The following BOK variants were observed in gnomAD, a reference collection of about 807,000 sequenced individuals.
BOK encodes the protein bcl-2-related ovarian killer protein.
In BOK, 20 loss-of-function variants were observed where a neutral mutation model predicts 18.3. The ratio of observed to expected loss-of-function variants is 1.09; its 90% CI spans 0.77 to 1.59. The LOEUF is 1.59. Among genes scored for constraint, BOK ranks in the 40% most tolerant of loss-of-function variants. The pLI is 0.00. For missense variants in BOK, 348 were observed against 307.9 expected, an observed-to-expected ratio of 1.13 and a Z score of -0.97; for synonymous variants, 173 against 142.4, an observed-to-expected ratio of 1.21 and a Z score of -1.53.
chr2:241,554,870 C>G (rs909888513), upstream of BOK, among the ~76,000 whole-genome samples: 1 of 152,216 alleles, frequency 6.6e-6, no homozygotes, highest in Non-Finnish European at 1.5e-5. Flanking sequence ...GGTATCAGCG[C>G]TCAGAAGCCC....
chr2:241,558,457 G>A (rs1464053177), upstream of BOK, among the ~76,000 whole-genome samples: 6 of 152,196 alleles, frequency 3.9e-5, no homozygotes, highest in African/African-American at 1.4e-4. Context: ...ACAATACAAA[G>A]GGCATGCGTC....
intron 3 of BOK, among the ~76,000 whole-genome samples, chr2:241,569,069 C>G (rs1204451885): frequency 6.6e-6 from 1 of 152,204 alleles, no homozygotes; most frequent in African/African-American, 2.4e-5. Flanking sequence ...AGCTGGGCTT[C>G]CCACCAAGGT....
At chr2:241,553,580 T>C (rs982102935) in intron 1 of BOK, among the ~76,000 whole-genome samples, 12 of 152,154 alleles carry the variant, frequency 7.9e-5, no homozygotes, top group Admixed American at 2.0e-4. Flanking sequence ...AAGAGACGTG[T>C]CTTACGAGGC....
intron 3 of BOK, among the ~76,000 whole-genome samples, chr2:241,564,190 C>T (rs928300923): frequency 6.6e-6 from 1 of 152,208 alleles, no homozygotes; most frequent in African/African-American, 2.4e-5. Flanking sequence ...GGAGTCCAGG[C>T]GGGGTCTGGT....
intron 1 of BOK, among the ~76,000 whole-genome samples, chr2:241,552,537 T>C (rs1451274736): frequency 1.3e-5 from 2 of 152,140 alleles, no homozygotes. Flanking sequence ...GCCGGAGTGG[T>C]AGGGCCAGGC....
At chr2:241,559,864 T>C (rs1341796037) in intron 2 of BOK, among the ~76,000 whole-genome samples, 161 bp downstream of exon 2, 1 of 152,174 alleles carries the variant, frequency 6.6e-6, no homozygotes, top group Non-Finnish European at 1.5e-5. Context: ...CTCCCGGATC[T>C]GCCCTCTCAG....
upstream of BOK, among the ~76,000 whole-genome samples, chr2:241,554,333 G>C (rs1385498680): frequency 2.6e-5 from 1 of 37,876 alleles, no homozygotes; most frequent in Admixed American, 4.0e-4. Context: ...CCAAGCCTGA[G>C]GGCTGGCTTG....
intron 3 of BOK, among the ~76,000 whole-genome samples, chr2:241,569,594 C>T (rs2125054329): frequency 6.6e-6 from 1 of 152,300 alleles, no homozygotes; most frequent in African/African-American, 2.4e-5. Context: ...TCTTTTCTCG[C>T]TCACGTATAA....
chr2:241,559,264 G>A (rs2066485615), intron 1 of BOK, among the ~76,000 whole-genome samples, 191 bp from the exon 2 acceptor site: 1 of 151,754 alleles, frequency 6.6e-6, no homozygotes, highest in African/African-American at 2.4e-5. Context: ...GCAGCCTCGG[G>A]GAATGTCTGT....
chr2:241,565,255 C>A (rs1472514750), intron 3 of BOK, among the ~76,000 whole-genome samples: 3 of 152,136 alleles, frequency 2.0e-5, no homozygotes, highest in African/African-American at 4.8e-5. Flanking sequence ...CCCCCACACC[C>A]CCACCTGCTG....
Position 241,570,284 on chromosome 2 carries a change from G to A in BOK, c.509G>A (p.Gly170Glu). The part of the protein sequence containing the change: ...TLATWLRRRG[G>E]WTDVLKCVVS... ...GCAACCTGGCTGCGGAGACGCGGCG[G>A]ATGGGTGAGCGCCTGAGTGCCCGTG... Residue 170 changes from glycine to glutamate, a missense_variant, in exon 4 of 5, where the codon GGA (glycine) becomes GAA (glutamate). By Grantham distance (98) the Gly-to-Glu change is moderately conservative. Transcript: ENST00000318407. 6.4e-7 allele frequency: 1 copy of A among 1,555,628 alleles called. No individual in the cohort carries two copies. Among genetic ancestry groups the A allele is most frequent in the East Asian group, 2.4e-5 (1 of 41,366 alleles).
chr2:241,552,996 A>G lies in BOK; in HGVS notation n.54+1519A>G, dbSNP rs114939573. 2.7e-3 allele frequency among the ~76,000 whole-genome samples: 408 copies of G among 152,308 alleles called. 2 individuals carry two copies. The highest frequency in any genetic ancestry group is 4.4e-3 in the Admixed American group (67 of 15,300). ...GCAAAAAAAGGACCATCTGAAGGCC[A>G]CCGGGTAGTGGGTGGAGAGGCCAGT... On this transcript the variant is annotated intron_variant and non_coding_transcript_variant, in intron 1 of 1. Coordinates refer to the BOK transcript ENST00000641230.
intron 2 of BOK, chr2:241,560,068 C>G (rs1248066358): frequency 1.0e-6 from 1 of 985,246 alleles, no homozygotes; most frequent in Non-Finnish European, 1.2e-6. Context: ...TTTTGGAAAA[C>G]AGATTCTTGC....
chr2:241,559,472 C>A lies in BOK; in HGVS notation c.-12C>A. On this transcript the variant is annotated 5_prime_UTR_variant, in exon 2 of 5. Coordinates refer to ENST00000318407, the MANE Select transcript of BOK (RefSeq NM_032515.5). ...GCCCGCAGGTGCGGCGCCCCCCACCCGCGTCGCCGCCATGGAGGTGCTGCG... is the reference window on the plus strand; with the variant it reads ...GCCCGCAGGTGCGGCGCCCCCCACCAGCGTCGCCGCCATGGAGGTGCTGCG... The A allele has an allele frequency of 6.9e-7, 1 of 1,452,454 alleles. No individual in the cohort carries two copies. The highest frequency in any genetic ancestry group is 9.0e-7 in the Non-Finnish European group (1 of 1,105,884). The allele number at this position is 1,452,454 out of a possible 1,614,324, so 90.0% of individuals were successfully genotyped here. A position where few individuals can be genotyped will look rare whatever the true frequency, so the allele number is the denominator to read the frequency against.
rs1222376610 is a variant in BOK, at chr2:241,573,387, GGAA to G, written c.*970_*972del. The G allele has an allele frequency of 6.6e-6, 1 of 152,460 alleles. No homozygotes were observed. The highest frequency in any genetic ancestry group is 2.4e-5 in the African/African-American group (1 of 41,592). The allele number at this position is 152,460 out of a possible 1,614,324, so 9.4% of individuals were successfully genotyped here. ...ACCTGAACCCGGGGGTCCCATCCCA[GGAA>G]GAAGGGCCATCTCAGGACATGAGTC... On this transcript the variant is annotated 3_prime_UTR_variant, in exon 5 of 5. Transcript: ENST00000318407.
chr2:241,556,379 T>G (rs890642907), upstream of BOK, among the ~76,000 whole-genome samples: 2 of 152,066 alleles, frequency 1.3e-5, no homozygotes, highest in African/African-American at 4.8e-5. Context: ...GGTCAAGAGA[T>G]CGAGACCATC....
Position 241,562,952 on chromosome 2 carries a change from ACT to A in BOK, c.349+479_349+480del, listed in dbSNP as rs1012372938. Among the ~76,000 whole-genome samples the A allele has an allele frequency of 1.3e-5, 2 of 152,098 alleles. No homozygotes were observed. Among genetic ancestry groups the A allele is most frequent in the Admixed American group, 6.5e-5 (1 of 15,282 alleles). ...GATATACCCTCAGAAGTCACGGGTA[ACT>A]CTGCTGGATTCTGATGGTCAGAAGC... On this transcript the variant is annotated intron_variant, in intron 3 of 4. Coordinates refer to ENST00000318407, the MANE Select transcript of BOK (RefSeq NM_032515.5). The surrounding 1 kb of genome is among the most constrained non-coding windows in gnomAD (Gnocchi z 4.5).
upstream of BOK, among the ~76,000 whole-genome samples, chr2:241,558,041 G>A (rs1160636813): frequency 2.3e-5 from 1 of 42,702 alleles, no homozygotes; most frequent in African/African-American, 1.2e-4. Flanking sequence ...AAACCAGTGG[G>A]ATAGAGTTCC....
At chr2:241,558,028 A>G (rs138198106), upstream of BOK, among the ~76,000 whole-genome samples, 141 of 97,846 alleles carry the variant, frequency 1.4e-3, no homozygotes, top group Middle Eastern at 5.3e-3. Context: ...AGGATAAAGA[A>G]ATAAACCAGT....
Sources: allele counts gnomAD v4.1 joint callset (sites outside exome capture counted in the v4.1 genomes callset), GRCh38; gene constraint gnomAD v4.1.1; non-coding constraint Gnocchi (gnomAD v3.1); transcripts MANE v1.5; gene names NCBI Gene and HGNC (gene_info 2026-07-23, HGNC 2026-07-21).